TSGA10: variants seen among roughly 807,000 people sequenced by gnomAD.
TSGA10 encodes testis-specific gene 10 protein.
A neutral mutation model predicts 96.6 loss-of-function variants in TSGA10; 43 were observed. The observed-to-expected ratio is 0.44, with a 90% CI of 0.35 to 0.57. The LOEUF (loss-of-function observed/expected upper bound fraction) is 0.57. TSGA10 is among the 20% of genes least tolerant of loss of function. The pLI, the probability that TSGA10 is intolerant of heterozygous loss-of-function variation, is 0.01. For synonymous variants in TSGA10, 229 were observed against 269.9 expected, an observed-to-expected ratio of 0.85 and a Z score of 1.48; for missense variants, 703 against 834.4, an observed-to-expected ratio of 0.84 and a Z score of 1.94.
chr2:99,065,346 C>G (rs2085148874), intron 15 of TSGA10, among the ~76,000 whole-genome samples: 1 of 152,178 alleles, frequency 6.6e-6, no homozygotes, highest in African/African-American at 2.4e-5. Context: ...TCAGTGAACA[C>G]TAGTAAATAG....
At chr2:99,092,807 A>G (rs1192504478) in intron 10 of TSGA10, among the ~76,000 whole-genome samples, 3 of 152,090 alleles carry the variant, frequency 2.0e-5, no homozygotes, top group African/African-American at 7.2e-5. Flanking sequence ...GTCAAGGACC[A>G]GCTGAATTCT....
At chr2:99,048,127 G>A (rs774360288) in intron 16 of TSGA10, among the ~76,000 whole-genome samples, 18 of 152,202 alleles carry the variant, frequency 1.2e-4, no homozygotes, top group Non-Finnish European at 2.1e-4. Context: ...AATCAATATC[G>A]TGAAAATGGC....
intron 13 of TSGA10, 40 bp downstream of exon 13, chr2:99,072,978 C>T: frequency 6.8e-7 from 1 of 1,467,582 alleles, no homozygotes; most frequent in Non-Finnish European, 9.5e-7. Context: ...TACTTGGCCC[C>T]CCAGTAAGAG....
intron 16 of TSGA10, among the ~76,000 whole-genome samples, chr2:99,059,561 C>T (rs186039516): frequency 1.3e-5 from 2 of 151,736 alleles, no homozygotes; most frequent in East Asian, 3.9e-4. Flanking sequence ...ATTGCTTGAA[C>T]CTGGGAGGCG....
At chr2:99,070,163 G>C (rs1445918672) in intron 14 of TSGA10, among the ~76,000 whole-genome samples, 1 of 152,072 alleles carries the variant, frequency 6.6e-6, no homozygotes, top group African/African-American at 2.4e-5. Context: ...TACAAAGTTT[G>C]AACAAGGCAG....
At chr2:99,035,481 TTA>T in intron 16 of TSGA10, 42 bp from the exon 17 acceptor site, 1 of 1,351,496 alleles carries the variant, frequency 7.4e-7, no homozygotes, top group Non-Finnish European at 1.0e-6. Context: ...TACATATATA[TTA>T]AACTGGAAGG....
chr2:99,126,116 AG>A (rs2104986249), intron 2 of TSGA10: 1 of 152,528 alleles, frequency 6.6e-6, no homozygotes, highest in Non-Finnish European at 1.5e-5. Context: ...GGGTAGGTGT[AG>A]GCACAAGTGG....
chr2:99,072,176 CTTT>C (rs1218356648), intron 13 of TSGA10, among the ~76,000 whole-genome samples: 1 of 152,092 alleles, frequency 6.6e-6, no homozygotes, highest in Admixed American at 6.5e-5. Context: ...GCTTAGTCTC[CTTT>C]ACAGATTCCT....
At position 99,050,523 on chromosome 2, in the gene TSGA10, T is replaced by C. The variant is rs537192294; in HGVS notation, c.1404+14416A>G. 1.3e-4 allele frequency among the ~76,000 whole-genome samples: 20 copies of C among 151,960 alleles called. No individual in the cohort carries two copies. In the South Asian group the frequency reaches 3.3e-3, roughly 25 times the overall value. ...CAACCTGCAATATGTATAACAGTAA[T>C]AGAAAAAAATGGAGGAAAAGGGAAT... On this transcript the variant is annotated intron_variant, in intron 16 of 20. Coordinates refer to ENST00000393483, the MANE Select transcript of TSGA10 (RefSeq NM_025244.4).
At position 99,018,404 on chromosome 2, in the gene TSGA10, A is replaced by T; in HGVS notation, c.1923-55T>A. ...TATATCCAGCAAAATTATTAAAACT[A>T]TCATAAAACTAGCTCAATTCATACT... On this transcript the variant is annotated intron_variant, in intron 19 of 20. Transcript: ENST00000393483. The T allele has an allele frequency of 1.3e-5, 21 of 1,597,730 alleles. No homozygotes were observed. In the South Asian group the frequency reaches 2.4e-4, roughly 18 times the overall value.
chr2:99,074,688 C>A (rs185425525), intron 12 of TSGA10, among the ~76,000 whole-genome samples: 55 of 152,250 alleles, frequency 3.6e-4, no homozygotes, highest in African/African-American at 1.2e-3. Flanking sequence ...AGGCCGAATG[C>A]GGTGGCTTAT....
At chr2:99,132,439 T>C (rs1018577821) in intron 1 of TSGA10, among the ~76,000 whole-genome samples, 7 of 152,136 alleles carry the variant, frequency 4.6e-5, no homozygotes, top group African/African-American at 1.7e-4. Context: ...TATTCTCTGA[T>C]GGTAGTTTGT....
intron 16 of TSGA10, among the ~76,000 whole-genome samples, chr2:99,054,599 C>T (rs1322770539): frequency 1.3e-5 from 2 of 151,996 alleles, no homozygotes; most frequent in Non-Finnish European, 2.9e-5. Flanking sequence ...AATTTGTAAA[C>T]CATACAGCTG....
intron 5 of TSGA10, among the ~76,000 whole-genome samples, chr2:99,110,034 G>A (rs865871167): frequency 2.0e-5 from 3 of 152,086 alleles, no homozygotes; most frequent in African/African-American, 4.8e-5. Context: ...GCATGGTGGC[G>A]TGCACCTGTA....
intron 10 of TSGA10, among the ~76,000 whole-genome samples, chr2:99,101,590 AGAAAT>A (rs2090741208): frequency 6.6e-6 from 1 of 152,164 alleles, no homozygotes; most frequent in South Asian, 2.1e-4. Flanking sequence ...AAGAGTAAAA[AGAAAT>A]GAAGAAAGCC....
intron 10 of TSGA10, chr2:99,102,812 G>C (rs1229832416): frequency 5.3e-6 from 7 of 1,321,494 alleles, no homozygotes; most frequent in Admixed American, 3.4e-5. Context: ...CTCATACCCA[G>C]AACTGTAAAT....
intron 5 of TSGA10, among the ~76,000 whole-genome samples, chr2:99,110,461 T>TA (rs1178968504): frequency 2.0e-5 from 3 of 152,204 alleles, no homozygotes; most frequent in Admixed American, 2.0e-4. Flanking sequence ...GTTAGATAAA[T>TA]AAAACATTGT....
chr2:99,025,727 T>C (rs1019144969), intron 17 of TSGA10, among the ~76,000 whole-genome samples: 1 of 152,198 alleles, frequency 6.6e-6, no homozygotes, highest in African/African-American at 2.4e-5. Context: ...TAGGCATTTA[T>C]AGCTATAAAT....
chr2:99,090,178 T>G (rs1442362643), intron 10 of TSGA10, among the ~76,000 whole-genome samples: 1 of 152,132 alleles, frequency 6.6e-6, no homozygotes, highest in African/African-American at 2.4e-5. Context: ...TCACACAGTT[T>G]GGCTATCAGG....
Sources: allele counts gnomAD v4.1 joint callset (sites outside exome capture counted in the v4.1 genomes callset), GRCh38; gene constraint gnomAD v4.1.1; transcripts MANE v1.5; gene names NCBI Gene and HGNC (gene_info 2026-07-23, HGNC 2026-07-21).